The following C8orf89 variants were observed in gnomAD, a reference collection of about 807,000 sequenced individuals.
C8orf89 encodes chromosome 8 open reading frame 89.
In C8orf89, 14 loss-of-function variants were observed where a neutral mutation model predicts 15.8. That is an observed-to-expected ratio of 0.89 (90% CI 0.59 to 1.39). The LOEUF is 1.39. C8orf89 is among the 40% of genes most tolerant of loss of function. C8orf89 has a pLI of 0.00. For synonymous variants in C8orf89, 55 were observed against 62.2 expected (o/e 0.88, Z 0.54); for missense variants, 181 against 184.5 (o/e 0.98, Z 0.11).
the C8orf89 span, among the ~76,000 whole-genome samples, chr8:73,275,311 A>G: frequency 7.4e-6 from 1 of 135,508 alleles, no homozygotes; most frequent in Admixed American, 8.7e-5. Context: ...ATCTCAGCTC[A>G]CTGCAACCCC....
the C8orf89 span, among the ~76,000 whole-genome samples, chr8:73,266,547 C>A: frequency 1.1e-4 from 16 of 152,210 alleles, no homozygotes; most frequent in African/African-American, 3.9e-4. Context: ...CGTACAGGAT[C>A]TACCTTATGG....
intron 1 of C8orf89, among the ~76,000 whole-genome samples, chr8:73,258,894 G>A (rs1435153668): frequency 6.6e-6 from 1 of 152,112 alleles, no homozygotes; most frequent in African/African-American, 2.4e-5. Context: ...GCCTCTCAAA[G>A]TGCTCAAATT....
rs558313240 is a variant in C8orf89, at chr8:73,255,851, T to C, written c.281+1122A>G. On this transcript the variant is annotated intron_variant, in intron 2 of 3. Transcript: ENST00000624510. ...GGAAATCATCATTCTCAGTAAACTATCGCAAGGACAAAAAACCAAACACCG... is the reference window on the plus strand; with the variant it reads ...GGAAATCATCATTCTCAGTAAACTACCGCAAGGACAAAAAACCAAACACCG... Among the ~76,000 whole-genome samples the C allele has an allele frequency of 2.7e-4, 41 of 151,136 alleles. No individual in the cohort carries two copies. In the Middle Eastern group the frequency reaches 0.021, roughly 76 times the overall value.
upstream of C8orf89, among the ~76,000 whole-genome samples, chr8:73,262,645 C>A (rs1289110254): frequency 6.6e-6 from 1 of 151,436 alleles, no homozygotes; most frequent in African/African-American, 2.4e-5. Flanking sequence ...AGTGAGACCC[C>A]CTAATCTACA....
the C8orf89 span, among the ~76,000 whole-genome samples, chr8:73,283,859 G>A: frequency 2.0e-5 from 3 of 151,916 alleles, no homozygotes; most frequent in Non-Finnish European, 4.4e-5. Context: ...GGCCAACATG[G>A]TGAAACCCCA....
chr8:73,280,149 A>G, the C8orf89 span, among the ~76,000 whole-genome samples: 2 of 152,218 alleles, frequency 1.3e-5, no homozygotes, highest in African/African-American at 2.4e-5. Context: ...CTTTCAGCAG[A>G]TGGCTCAACG....
the C8orf89 span, among the ~76,000 whole-genome samples, chr8:73,274,010 G>T: frequency 9.9e-5 from 15 of 151,906 alleles, no homozygotes; most frequent in African/African-American, 3.1e-4. Context: ...TTTCTGAAAC[G>T]TTCATCTAAT....
chr8:73,264,419 G>A (rs561478596), upstream of C8orf89, among the ~76,000 whole-genome samples: 1 of 152,282 alleles, frequency 6.6e-6, no homozygotes, highest in African/African-American at 2.4e-5. Context: ...TGAATAATGA[G>A]GGTTGACTTG....
chr8:73,265,289 T>A, the C8orf89 span, among the ~76,000 whole-genome samples: 47 of 152,194 alleles, frequency 3.1e-4, no homozygotes, highest in African/African-American at 1.1e-3. Context: ...AAGACAAGGT[T>A]TGAAAGATAG....
At chr8:73,272,028 T>C in the C8orf89 span, among the ~76,000 whole-genome samples, 1 of 152,232 alleles carries the variant, frequency 6.6e-6, no homozygotes, top group Non-Finnish European at 1.5e-5. Flanking sequence ...GCAATTATTA[T>C]CATAATCATC....
At chr8:73,269,347 A>G in the C8orf89 span, among the ~76,000 whole-genome samples, 1 of 152,226 alleles carries the variant, frequency 6.6e-6, no homozygotes, top group Admixed American at 6.5e-5. Context: ...AAAACTGACA[A>G]TAAGTTTTTG....
chr8:73,262,912 T>C (rs1358162127), upstream of C8orf89, among the ~76,000 whole-genome samples: 1 of 152,068 alleles, frequency 6.6e-6, no homozygotes, highest in Non-Finnish European at 1.5e-5. Context: ...AAACCAAATA[T>C]TTTTGATGTG....
the C8orf89 span, among the ~76,000 whole-genome samples, chr8:73,280,113 G>A: frequency 2.0e-5 from 3 of 152,194 alleles, no homozygotes; most frequent in Non-Finnish European, 4.4e-5. Context: ...CATAGTAACT[G>A]AACAGTACTT....
Position 73,256,983 on chromosome 8 carries a change from A to G in C8orf89, c.271T>C (p.Ser91Pro). Residue 91 changes from serine to proline, a missense_variant, in exon 2 of 4, where the codon TCT becomes CCT. Transcript: ENST00000624510. ...ATAGCAATGATCTACCTGACTGCAG[A>G]CACCTCGGCATCAGCACGTGGCAGT... ...KRLPRADAEVSAVRLKKTKET... is the reference protein window; with the variant it reads ...KRLPRADAEVPAVRLKKTKET... 1 of 1,534,184 alleles carries G rather than the reference A, an allele frequency of 6.5e-7. No homozygotes were observed. Among genetic ancestry groups the G allele is most frequent in the African/African-American group, 1.4e-5 (1 of 73,080 alleles).
chr8:73,277,951 G>T, the C8orf89 span: 2 of 657,468 alleles, frequency 3.0e-6, no homozygotes, highest in South Asian at 2.8e-5. Flanking sequence ...TGTCTGTGTT[G>T]GCCAGCAACA....
the C8orf89 span, among the ~76,000 whole-genome samples, chr8:73,268,361 C>T: frequency 0.012 from 1,801 of 152,086 alleles, 35 homozygotes; most frequent in African/African-American, 0.041. Context: ...CACCTGTAAT[C>T]CCAGCTACTC....
At chr8:73,260,180 C>G (rs1813495753), upstream of C8orf89, among the ~76,000 whole-genome samples, 1 of 152,102 alleles carries the variant, frequency 6.6e-6, no homozygotes, top group Non-Finnish European at 1.5e-5. Context: ...GAGAAACATG[C>G]TAAGCAAAAC....
At chr8:73,266,258 C>A in the C8orf89 span, among the ~76,000 whole-genome samples, 1 of 152,214 alleles carries the variant, frequency 6.6e-6, no homozygotes, top group Non-Finnish European at 1.5e-5. Flanking sequence ...GGCAGGCAGC[C>A]TTCTGGGCTT....
the C8orf89 span, among the ~76,000 whole-genome samples, chr8:73,275,121 T>C: frequency 9.2e-5 from 14 of 152,178 alleles, no homozygotes; most frequent in Non-Finnish European, 1.8e-4. Context: ...TTACTACTAA[T>C]AGATTATTCT....
Sources: gnomAD v4.1 joint callset for allele counts (sites outside exome capture counted in the v4.1 genomes callset) on GRCh38, gnomAD v4.1.1 for gene constraint, MANE v1.5 for transcripts, NCBI Gene and HGNC (gene_info 2026-07-23, HGNC 2026-07-21) for gene names.